GBP2: variants seen among roughly 807,000 people sequenced by gnomAD.
The protein encoded by GBP2 is guanylate binding protein 2.
GBP2 carries 54 observed loss-of-function variants against 60.8 expected under a neutral mutation model. The observed-to-expected ratio is 0.89, with a 90% CI of 0.71 to 1.11. GBP2 has a LOEUF of 1.11. GBP2 is among the 50% of genes most tolerant of loss of function. GBP2 has a pLI of 0.00. For missense variants in GBP2, 665 were observed against 703.3 expected (o/e 0.95, Z 0.62); for synonymous variants, 243 against 256.5 (o/e 0.95, Z 0.50).
Position 89,110,360 on chromosome 1 carries a change from T to A in GBP2, c.1363-94A>T, listed in dbSNP as rs181619554. On this transcript the variant is annotated intron_variant, in intron 8 of 10. Transcript: ENST00000370466. ...GGGTATCTACCCAGAGGAAAATAAGTCATTACACAAAAAAGATACTTGCAT... is the reference window on the plus strand; with the variant it reads ...GGGTATCTACCCAGAGGAAAATAAGACATTACACAAAAAAGATACTTGCAT... 5.6e-6 allele frequency: 5 copies of A among 890,614 alleles called. No individual in the cohort carries two copies. In the Admixed American group the frequency reaches 6.7e-5, roughly 12 times the overall value. 55.2% of individuals were successfully genotyped at this position (890,614 alleles called of 1,614,324 possible).
At chr1:89,121,343 C>A in intron 2 of GBP2, 73 bp from the exon 3 acceptor site, 1 of 1,342,562 alleles carries the variant, frequency 7.4e-7, no homozygotes, top group Non-Finnish European at 1.0e-6. Flanking sequence ...TAAAAGTTAA[C>A]ATAATTGAAG....
Position 89,117,219 on chromosome 1 carries a change from C to G in GBP2, c.641G>C (p.Ser214Thr), listed in dbSNP as rs1490307864. Residue 214 changes from serine to threonine, a missense_variant, in exon 6 of 11, where the codon AGT (serine) becomes ACT (threonine). Coordinates refer to ENST00000370466, the MANE Select transcript of GBP2 (RefSeq NM_004120.5). ...CAACCGAGGATCATTAAAGCTTTTACTTTTCTTATCAGTACCTACAGGAAT... is the reference window on the plus strand; with the variant it reads ...CAACCGAGGATCATTAAAGCTTTTAGTTTTCTTATCAGTACCTACAGGAAT... ...LKLRKGTDKKSKSFNDPRLCI... is the reference protein window; with the variant it reads ...LKLRKGTDKKTKSFNDPRLCI... The G allele has an allele frequency of 1.2e-6, 2 of 1,613,520 alleles. No homozygotes were observed. Among genetic ancestry groups the G allele is most frequent in the Non-Finnish European group, 1.7e-6 (2 of 1,179,498 alleles).
At chr1:89,115,530 T>C (rs1208667736) in intron 6 of GBP2, among the ~76,000 whole-genome samples, 1 of 152,208 alleles carries the variant, frequency 6.6e-6, no homozygotes, top group African/African-American at 2.4e-5. Context: ...ACCTGACCCC[T>C]TTATACCCCT....
At chr1:89,121,483 C>T (rs963383942) in intron 2 of GBP2, among the ~76,000 whole-genome samples, 1 of 152,122 alleles carries the variant, frequency 6.6e-6, no homozygotes, top group Non-Finnish European at 1.5e-5. Flanking sequence ...CTTGCTGTCA[C>T]TACATGAACA....
At chr1:89,118,350 C>A (rs1477315465) in intron 4 of GBP2, 1 of 152,230 alleles carries the variant, frequency 6.6e-6, no homozygotes, top group East Asian at 1.9e-4. Context: ...GATCACAGAC[C>A]CTTCAAGGCC....
intron 4 of GBP2, 65 bp downstream of exon 4, chr1:89,120,114 T>C: frequency 2.6e-6 from 3 of 1,166,336 alleles, no homozygotes; most frequent in Non-Finnish European, 3.9e-6. Flanking sequence ...GCCTCTGTAC[T>C]TGGTGAAAAA....
intron 10 of GBP2, among the ~76,000 whole-genome samples, chr1:89,109,459 A>G (rs1389081953): frequency 6.6e-6 from 1 of 152,220 alleles, no homozygotes; most frequent in Non-Finnish European, 1.5e-5. Flanking sequence ...AGCAATGTTT[A>G]TTAGTGATAG....
chr1:89,113,812 G>A (rs1210451396), intron 7 of GBP2, among the ~76,000 whole-genome samples: 1 of 152,054 alleles, frequency 6.6e-6, no homozygotes, highest in Non-Finnish European at 1.5e-5. Context: ...GACCCAGAGA[G>A]GAAAAACTAA....
At chr1:89,108,490 G>A (rs1681097931) in intron 10 of GBP2, among the ~76,000 whole-genome samples, 199 bp from the exon 11 acceptor site, 3 of 152,144 alleles carry the variant, frequency 2.0e-5, no homozygotes, top group Admixed American at 1.3e-4. Context: ...AAATATTAGT[G>A]ACCCAGCGTT....
intron 7 of GBP2, 83 bp downstream of exon 7, chr1:89,113,933 C>G: frequency 6.9e-7 from 1 of 1,456,072 alleles, no homozygotes; most frequent in South Asian, 1.2e-5. Flanking sequence ...CTGAGTGTAA[C>G]TATTTTGGGG....
At chr1:89,117,533 T>C in intron 5 of GBP2, 44 bp downstream of exon 5, 1 of 1,470,228 alleles carries the variant, frequency 6.8e-7, no homozygotes, top group Non-Finnish European at 9.4e-7. Flanking sequence ...TTTGATATTA[T>C]TTGCTCTCTA....
At chr1:89,123,733 G>C (rs148159750) in intron 1 of GBP2, among the ~76,000 whole-genome samples, 1 of 152,106 alleles carries the variant, frequency 6.6e-6, no homozygotes, top group Non-Finnish European at 1.5e-5. Context: ...TTCATTTGTT[G>C]GTTGATTTTA....
At chr1:89,121,681 A>T in intron 2 of GBP2, 96 bp downstream of exon 2, 1 of 1,240,906 alleles carries the variant, frequency 8.1e-7, no homozygotes, top group Non-Finnish European at 1.1e-6. Flanking sequence ...AGCTTTCAAC[A>T]TTCATTCTCA....
intron 1 of GBP2, 135 bp from the exon 2 acceptor site, chr1:89,122,118 C>CTG (rs1681414758): frequency 3.8e-6 from 2 of 527,360 alleles, no homozygotes; most frequent in Non-Finnish European, 6.4e-6. Flanking sequence ...AGCCTGGTTT[C>CTG]TCTTTAAGGC....
Position 89,108,198 on chromosome 1 carries a change from C to T in GBP2, c.1753G>A (p.Glu585Lys). The T allele has an allele frequency of 6.2e-7, 1 of 1,610,946 alleles. No homozygotes were observed. Among genetic ancestry groups the T allele is most frequent in the Non-Finnish European group, 8.5e-7 (1 of 1,177,726 alleles). The change falls in exon 11 of 11, where the codon GAG (glutamate) becomes AAG (lysine). Residue 585 changes from glutamate to lysine, a missense_variant. Physicochemically the swap from Glu to Lys is moderately conservative, Grantham distance 56. Coordinates refer to ENST00000370466, the MANE Select transcript of GBP2 (RefSeq NM_004120.5). ...TTTTAGAGTATGTTACATATTGGCT[C>T]CAATGATTTGCTTCTCATCTGGATA... ...WDIQMRSKSL[E>K]PICNIL
Position 89,114,007 on chromosome 1 carries a change from C to G in GBP2, c.1149+9G>C. Reference sequence around the variant, plus strand: ...TTCTGCCTCTCATGACGTAGAACACCAAATATACCCCTAATTTCCTCTGGA... The same window carrying G: ...TTCTGCCTCTCATGACGTAGAACACGAAATATACCCCTAATTTCCTCTGGA... On this transcript the variant is annotated intron_variant, in intron 7 of 10. Transcript: ENST00000370466. 1 of 1,614,000 alleles carries G rather than the reference C, an allele frequency of 6.2e-7. No individual in the cohort carries two copies. The highest frequency in any genetic ancestry group is 8.5e-7 in the Non-Finnish European group (1 of 1,179,902).
rs748199367 is a variant in GBP2, at chr1:89,117,752, A to C, written c.450T>G (p.Asp150Glu). 5 of 1,613,192 alleles carry C rather than the reference A, an allele frequency of 3.1e-6. No homozygotes were observed. The highest frequency in any genetic ancestry group is 4.2e-6 in the Non-Finnish European group (5 of 1,179,664). ...DQLHYVTELT[D>E]RIKANSSPGN... is the part of the protein sequence containing the mutation. ...CAGGTGAGGAGTTTGCCTTGATTCG[A>C]TCTGTCAGCTCTGTCACATAGCTGA... Residue 150 changes from aspartate to glutamate, a missense_variant, in exon 5 of 11, where the codon GAT becomes GAG. Asp to Glu is a conservative substitution (Grantham distance 45). Transcript: ENST00000370466.
At chr1:89,111,948 C>A (rs527746158) in intron 8 of GBP2, among the ~76,000 whole-genome samples, 1 of 152,040 alleles carries the variant, frequency 6.6e-6, no homozygotes, top group South Asian at 2.1e-4. Context: ...ACCATATGTA[C>A]CCACAAAAGT....
rs1681305084 is a variant in GBP2, at chr1:89,117,620, G to A, written c.582C>T (p.Ile194=). 6 of 1,614,098 alleles carry A rather than the reference G, an allele frequency of 3.7e-6. No individual in the cohort carries two copies. The highest frequency in any genetic ancestry group is 5.1e-6 in the Non-Finnish European group (6 of 1,179,976). The change falls in exon 5 of 11, where the codon ATC becomes ATT. Residue 194 remains isoleucine, a synonymous_variant. Transcript: ENST00000370466. ...TLELEVDGEP[I]TADDYLELSL... is the part of the protein sequence containing the mutation. ...AAAGCTCCAAGTAGTCATCAGCAGT[G>A]ATGGGTTCTCCATCTACTTCCAGTT...
Sources: gnomAD v4.1 joint callset for allele counts (sites outside exome capture counted in the v4.1 genomes callset) on GRCh38, gnomAD v4.1.1 for gene constraint, MANE v1.5 for transcripts, NCBI Gene and HGNC (gene_info 2026-07-23, HGNC 2026-07-21) for gene names.